PRUNE2: variants seen among roughly 807,000 people sequenced by gnomAD.
PRUNE2 encodes the protein prune homolog 2 with BCH domain.
Under a neutral mutation model 252.0 loss-of-function variants are expected in PRUNE2, and 164 were observed. The observed-to-expected ratio is 0.65, with a 90% CI of 0.57 to 0.74. The LOEUF (loss-of-function observed/expected upper bound fraction) is 0.74. Ranked by LOEUF, PRUNE2 falls within the 30% of genes least tolerant of loss-of-function variation. The pLI, the probability that PRUNE2 is intolerant of heterozygous loss-of-function variation, is 0.00. For synonymous variants in PRUNE2, 1,292 were observed against 1,350.2 expected, an observed-to-expected ratio of 0.96 and a Z score of 0.94; for missense variants, 3,495 against 3,711.0, an observed-to-expected ratio of 0.94 and a Z score of 1.51.
intron 6 of PRUNE2, among the ~76,000 whole-genome samples, chr9:76,791,089 T>C (rs2055503070): frequency 6.6e-6 from 1 of 152,184 alleles, no homozygotes; most frequent in Non-Finnish European, 1.5e-5. Flanking sequence ...TTGCAGTTAA[T>C]GGGGAGATGT....
intron 18 of PRUNE2, 138 bp from the exon 19 acceptor site, chr9:76,614,738 T>C (rs970373757): frequency 4.5e-6 from 3 of 665,040 alleles, no homozygotes; most frequent in Admixed American, 6.2e-5. Flanking sequence ...TTTCTTATAA[T>C]AGAAAAATCT....
chr9:76,644,419 A>G (rs1035196809), intron 12 of PRUNE2: 2 of 396,040 alleles, frequency 5.0e-6, no homozygotes, highest in Middle Eastern at 8.7e-4. Flanking sequence ...TCAACCGTAC[A>G]ATGGACTGAT....
chr9:76,826,753 T>C, intron 4 of PRUNE2, 21 bp from the exon 5 acceptor site: 1 of 1,573,114 alleles, frequency 6.4e-7, no homozygotes, highest in Non-Finnish European at 8.7e-7. Flanking sequence ...TGAATAAAAA[T>C]GCTCTTAAAG....
In PRUNE2 at chr9:76,750,116, C is replaced by G. The variant is rs546448210; in HGVS notation, c.757-36395G>C. ...TCCTATGCTCAGGACCCTTCTCGAC[C>G]CCTAGGTACCTCTTCATCTGTATTC... is the stretch of plus-strand genomic sequence containing the variant. On this transcript the variant is annotated intron_variant, in intron 6 of 18. Transcript: ENST00000376718. Among the ~76,000 whole-genome samples the G allele has an allele frequency of 4.6e-5, 7 of 152,150 alleles. No individual in the cohort carries two copies. In the East Asian group the frequency reaches 1.4e-3, roughly 29 times the overall value.
intron 9 of PRUNE2, among the ~76,000 whole-genome samples, chr9:76,657,700 CTGAGTT>C (rs1237915573): frequency 1.3e-5 from 2 of 152,198 alleles, no homozygotes; most frequent in Non-Finnish European, 2.9e-5. Context: ...AAAGCACTGT[CTGAGTT>C]TAAGGTATTA....
chr9:76,665,947 A>G (rs916117025), intron 9 of PRUNE2, among the ~76,000 whole-genome samples: 2 of 152,210 alleles, frequency 1.3e-5, no homozygotes, highest in East Asian at 1.9e-4. Flanking sequence ...TAGATCATAG[A>G]CATGATTATA....
At chr9:76,789,604 C>T (rs140805351) in intron 6 of PRUNE2, among the ~76,000 whole-genome samples, 251 of 152,250 alleles carry the variant, frequency 1.6e-3, no homozygotes, top group Middle Eastern at 3.4e-3. Context: ...CATTAGGAGT[C>T]GACCAAGGAG....
chr9:76,614,395 AT>A lies in PRUNE2; in HGVS notation c.*174del. 1.6e-6 allele frequency: 1 copy of A among 635,006 alleles called. No individual in the cohort carries two copies. The highest frequency in any genetic ancestry group is 2.8e-6 in the Non-Finnish European group (1 of 361,244). The allele number at this position is 635,006 out of a possible 1,614,324, so 39.3% of individuals were successfully genotyped here. On this transcript the variant is annotated 3_prime_UTR_variant, in exon 19 of 19. Coordinates refer to ENST00000376718, the MANE Select transcript of PRUNE2 (RefSeq NM_015225.3). ...TTGGCAAAATAGGAAAGTACACACA[AT>A]TTCATAAAATATCTTAAGAGTAAAC...
chr9:76,687,269 G>C (rs553113786), intron 9 of PRUNE2, among the ~76,000 whole-genome samples: 1 of 152,154 alleles, frequency 6.6e-6, no homozygotes, highest in Admixed American at 6.5e-5. Context: ...ACACTATGTT[G>C]GTTTCACTCC....
intron 1 of PRUNE2, among the ~76,000 whole-genome samples, chr9:76,894,630 G>A (rs2062700262): frequency 6.6e-6 from 1 of 151,508 alleles, no homozygotes; most frequent in Non-Finnish European, 1.5e-5. Flanking sequence ...CTGCCTCCAG[G>A]ATGATCTTCT....
intron 5 of PRUNE2, among the ~76,000 whole-genome samples, chr9:76,824,954 T>C (rs1329975066): frequency 6.6e-6 from 1 of 152,186 alleles, no homozygotes; most frequent in Non-Finnish European, 1.5e-5. Flanking sequence ...TTGTGCAGCA[T>C]ACACACAAGG....
At chr9:76,778,434 C>G (rs2054028777) in intron 6 of PRUNE2, 1 of 152,182 alleles carries the variant, frequency 6.6e-6, no homozygotes, top group Non-Finnish European at 1.5e-5. Flanking sequence ...GCACTGGATG[C>G]CTGATGATGA....
intron 6 of PRUNE2, among the ~76,000 whole-genome samples, chr9:76,782,075 G>A (rs1450200935): frequency 3.3e-5 from 5 of 152,242 alleles, no homozygotes; most frequent in South Asian, 4.1e-4. Context: ...TTAGCCCAGC[G>A]TGGTGGTGGG....
Position 76,767,796 on chromosome 9 carries a change from C to A in PRUNE2, c.757-54075G>T, listed in dbSNP as rs561514501. ...TGTAAAAACCCAGCTGGAGGGAGTG[C>A]ACACTGGCTCCTATCTTCTATCCGA... On this transcript the variant is annotated intron_variant, in intron 6 of 18. Transcript: ENST00000376718. Among the ~76,000 whole-genome samples, 4 of 152,176 alleles carry A rather than the reference C, an allele frequency of 2.6e-5. No homozygotes were observed. In the South Asian group the frequency reaches 6.2e-4, roughly 24 times the overall value.
intron 9 of PRUNE2, among the ~76,000 whole-genome samples, chr9:76,662,205 A>C (rs1475069532): frequency 1.3e-5 from 2 of 152,246 alleles, no homozygotes; most frequent in African/African-American, 2.4e-5. Context: ...ACATGCTCTT[A>C]GGTGACTTGA....
chr9:76,758,060 T>C (rs1016921749), intron 6 of PRUNE2, among the ~76,000 whole-genome samples: 2 of 152,220 alleles, frequency 1.3e-5, no homozygotes, highest in Admixed American at 6.5e-5. Context: ...TAACCTTTGC[T>C]ATCTTCAATC....
intron 9 of PRUNE2, among the ~76,000 whole-genome samples, chr9:76,659,612 T>C (rs1210740719): frequency 6.6e-6 from 1 of 152,148 alleles, no homozygotes; most frequent in Non-Finnish European, 1.5e-5. Flanking sequence ...ACCAGAAGTA[T>C]TTAAACCTTC....
chr9:76,619,470 A>G, intron 17 of PRUNE2, 83 bp from the exon 18 acceptor site: 1 of 928,862 alleles, frequency 1.1e-6, no homozygotes, highest in Non-Finnish European at 1.7e-6. Context: ...GAGGCATTTG[A>G]AACTGTTTAA....
intron 11 of PRUNE2, chr9:76,652,269 G>C (rs1847698531): frequency 1.9e-6 from 1 of 521,182 alleles, no homozygotes. Flanking sequence ...CAGAGTGGGG[G>C]TTAATAAAGA....
Sources: gnomAD v4.1 joint callset for allele counts (sites outside exome capture counted in the v4.1 genomes callset) on GRCh38, gnomAD v4.1.1 for gene constraint, MANE v1.5 for transcripts, NCBI Gene and HGNC (gene_info 2026-07-23, HGNC 2026-07-21) for gene names.